The following ZDHHC14 variants were observed in gnomAD, a reference collection of about 807,000 sequenced individuals.
ZDHHC14 encodes palmitoyltransferase ZDHHC14.
Under a neutral mutation model 47.7 loss-of-function variants are expected in ZDHHC14, and 16 were observed. That is an observed-to-expected ratio of 0.34 (90% CI 0.23 to 0.51). The LOEUF (loss-of-function observed/expected upper bound fraction) is 0.51, where lower values mean the gene tolerates loss of function less well. Ranked by LOEUF, ZDHHC14 falls within the 20% of genes least tolerant of loss-of-function variation. The pLI is 0.97. For synonymous variants in ZDHHC14, 293 were observed against 278.9 expected, an observed-to-expected ratio of 1.05 and a Z score of -0.50; for missense variants, 515 against 662.5, an observed-to-expected ratio of 0.78 and a Z score of 2.44.
chr6:157,557,107 C>G (rs1365228625), intron 2 of ZDHHC14, among the ~76,000 whole-genome samples: 1 of 152,234 alleles, frequency 6.6e-6, no homozygotes, highest in Admixed American at 6.5e-5. Flanking sequence ...CTGCAGTCAC[C>G]TTCTCTGAAC....
At chr6:157,385,165 T>C (rs145315240) in intron 1 of ZDHHC14, among the ~76,000 whole-genome samples, 1,777 of 151,794 alleles carry the variant, frequency 0.012, 15 homozygotes, top group Non-Finnish European at 0.016. Flanking sequence ...CATGGCTCAC[T>C]GTAGCCTTGA....
In ZDHHC14 at chr6:157,587,233, T is replaced by C. The variant is rs150549933; in HGVS notation, c.407-5755T>C. ...GATTTCACAGCTGACATTAGGATTA[T>C]TATTAATCTAGGCCTCAGTGGCACC... On this transcript the variant is annotated intron_variant, in intron 2 of 8. Coordinates refer to ENST00000359775, the MANE Select transcript of ZDHHC14 (RefSeq NM_024630.3). 5.0e-3 allele frequency among the ~76,000 whole-genome samples: 769 copies of C among 152,338 alleles called. 7 individuals carry two copies. Among genetic ancestry groups the C allele is most frequent in the African/African-American group, 0.018 (743 of 41,574 alleles).
intron 1 of ZDHHC14, among the ~76,000 whole-genome samples, chr6:157,405,304 T>C (rs1438276202): frequency 1.3e-5 from 2 of 151,984 alleles, no homozygotes; most frequent in African/African-American, 4.8e-5. Flanking sequence ...GCGATCTCGG[T>C]TCACTGCAAG....
At position 157,676,356 on chromosome 6, in the gene ZDHHC14, C is replaced by G. The variant is rs544786983; in HGVS notation, c.*3234C>G. 1.3e-5 allele frequency: 2 copies of G among 152,300 alleles called. No homozygotes were observed. The highest frequency in any genetic ancestry group is 2.9e-5 in the Non-Finnish European group (2 of 68,076). 9.4% of individuals were successfully genotyped at this position (152,300 alleles called of 1,614,324 possible). Reference sequence around the variant, plus strand: ...GTCCCCACCCTAAGCCAGCAAAATGCGAAATCTCTGTTCTGGCCCAGAATG... The same window carrying G: ...GTCCCCACCCTAAGCCAGCAAAATGGGAAATCTCTGTTCTGGCCCAGAATG... On this transcript the variant is annotated 3_prime_UTR_variant, in exon 9 of 9. Transcript: ENST00000359775.
intron 2 of ZDHHC14, among the ~76,000 whole-genome samples, chr6:157,548,160 A>G (rs1454249156): frequency 1.3e-5 from 2 of 151,318 alleles, no homozygotes; most frequent in Admixed American, 1.3e-4. Flanking sequence ...GGCTAATTTG[A>G]TTGCTTTTTG....
chr6:157,450,999 TGTG>T (rs1300467889), intron 1 of ZDHHC14, among the ~76,000 whole-genome samples: 42 of 38,940 alleles, frequency 1.1e-3, no homozygotes, highest in Non-Finnish European at 2.5e-3. Flanking sequence ...AGTCTGGTCT[TGTG>T]TGTGTGTGTG....
intron 6 of ZDHHC14, 77 bp from the exon 7 acceptor site, chr6:157,647,182 C>T (rs1777595065): frequency 2.2e-6 from 2 of 928,772 alleles, no homozygotes; most frequent in Non-Finnish European, 3.3e-6. Flanking sequence ...CTTTATGAGC[C>T]TCTCATGGTC....
intron 2 of ZDHHC14, among the ~76,000 whole-genome samples, chr6:157,555,070 T>C (rs1474391999): frequency 6.6e-6 from 1 of 152,186 alleles, no homozygotes; most frequent in Non-Finnish European, 1.5e-5. Flanking sequence ...TTGCCCAGGG[T>C]TCTCTTCCAG....
intron 2 of ZDHHC14, among the ~76,000 whole-genome samples, chr6:157,546,577 T>C (rs1393343090): frequency 6.6e-6 from 1 of 152,054 alleles, no homozygotes; most frequent in African/African-American, 2.4e-5. Context: ...CCCGATGACT[T>C]AGGGTGCAGC....
At chr6:157,620,232 A>C (rs1027878620) in intron 3 of ZDHHC14, among the ~76,000 whole-genome samples, 2 of 152,168 alleles carry the variant, frequency 1.3e-5, no homozygotes, top group Admixed American at 1.3e-4. Flanking sequence ...GACACTGCAG[A>C]GTCTCAAGGT....
intron 2 of ZDHHC14, among the ~76,000 whole-genome samples, chr6:157,587,293 G>T (rs1783731385): frequency 6.6e-6 from 1 of 152,210 alleles, no homozygotes; most frequent in Non-Finnish European, 1.5e-5. Flanking sequence ...CCTTATCTTT[G>T]ATGGATTCAA....
intron 8 of ZDHHC14, among the ~76,000 whole-genome samples, chr6:157,659,459 GAC>G (rs1448437236): frequency 6.6e-6 from 1 of 152,296 alleles, no homozygotes; most frequent in South Asian, 2.1e-4. Flanking sequence ...TCAAAACACG[GAC>G]AAATGAGCTG....
rs558094208 is a variant in ZDHHC14, at chr6:157,651,091, G to A, written c.966-2434G>A. Among the ~76,000 whole-genome samples the A allele has an allele frequency of 1.5e-4, 23 of 152,376 alleles. No homozygotes were observed. The East Asian group carries it at 4.4e-3, about 29-fold the overall frequency. On this transcript the variant is annotated intron_variant, in intron 7 of 8. Transcript: ENST00000359775. ...CTGCGGCTCTCTTGGGCTGAGTCCT[G>A]TAGTAGTTTCCTAGGGCACTGCAGT...
At chr6:157,560,746 T>G (rs1218020960) in intron 2 of ZDHHC14, among the ~76,000 whole-genome samples, 1 of 152,250 alleles carries the variant, frequency 6.6e-6, no homozygotes, top group Non-Finnish European at 1.5e-5. Context: ...TCTTACTCAT[T>G]GCCTTGGCCT....
chr6:157,504,301 G>A (rs144010312), intron 1 of ZDHHC14, among the ~76,000 whole-genome samples: 2,214 of 150,976 alleles, frequency 0.015, 69 homozygotes, highest in African/African-American at 0.05. Flanking sequence ...TCCGCCTCCC[G>A]GGTTCACGCC....
chr6:157,382,490 T>C (rs990481281), intron 1 of ZDHHC14, among the ~76,000 whole-genome samples: 1 of 151,948 alleles, frequency 6.6e-6, no homozygotes, highest in South Asian at 2.1e-4. Flanking sequence ...AGGGAAGGGG[T>C]CCACTTGCAA....
At chr6:157,487,145 G>C (rs1421841638) in intron 1 of ZDHHC14, among the ~76,000 whole-genome samples, 1 of 152,232 alleles carries the variant, frequency 6.6e-6, no homozygotes, top group East Asian at 1.9e-4. Context: ...AAGGCTGGGG[G>C]ATGTAGAAGA....
intron 1 of ZDHHC14, among the ~76,000 whole-genome samples, chr6:157,494,977 A>G (rs1780020266): frequency 6.6e-6 from 1 of 152,172 alleles, no homozygotes; most frequent in Non-Finnish European, 1.5e-5. Flanking sequence ...GAAATCATGT[A>G]GCTTAGATTT....
intron 2 of ZDHHC14, among the ~76,000 whole-genome samples, chr6:157,566,846 G>A (rs1782922381): frequency 7.2e-6 from 1 of 138,250 alleles, no homozygotes; most frequent in Non-Finnish European, 1.5e-5. Flanking sequence ...TTTAGCAAGG[G>A]GAATTTTTTT....
Sources: gnomAD v4.1 joint callset for allele counts (sites outside exome capture counted in the v4.1 genomes callset) on GRCh38, gnomAD v4.1.1 for gene constraint, MANE v1.5 for transcripts, NCBI Gene and HGNC (gene_info 2026-07-23, HGNC 2026-07-21) for gene names.